Variants in CHUK observed in about 807,000 individuals in gnomAD.
CHUK encodes the protein component of inhibitor of nuclear factor kappa B kinase complex.
A neutral mutation model predicts 104.8 loss-of-function variants in CHUK; 35 were observed. That is an observed-to-expected ratio of 0.33 (90% CI 0.26 to 0.44). The LOEUF (loss-of-function observed/expected upper bound fraction) is 0.44, where lower values mean the gene tolerates loss of function less well. CHUK is among the 20% of genes least tolerant of loss of function. The pLI, the probability that CHUK is intolerant of heterozygous loss-of-function variation, is 1.00. For missense variants in CHUK, 663 were observed against 902.7 expected (o/e 0.73, Z 3.40); for synonymous variants, 276 against 291.9 (o/e 0.95, Z 0.56).
chr10:100,228,993 G>GCACGCACACA (rs1846170786), intron 1 of CHUK, among the ~76,000 whole-genome samples: 3 of 133,556 alleles, frequency 2.2e-5, no homozygotes, highest in East Asian at 2.3e-4. Context: ...GCGCGCGCGC[G>GCACGCACACA]CACACACACA....
rs112432667 is a variant in CHUK at position 100,204,538 on chromosome 10, T to C, written c.1475A>G (p.Glu492Gly). The C allele has an allele frequency of 1.2e-6, 2 of 1,613,740 alleles. No homozygotes were observed. Among genetic ancestry groups the C allele is most frequent in the Non-Finnish European group, 1.7e-6 (2 of 1,179,742 alleles). ...ATACGTCATCTGCTCGCTGTATCTC[T>C]CCAAGTCAAGCTGAATGCTTTTGTG... ...FFHKSIQLDL[E>G]RYSEQMTYGI... Residue 492 changes from glutamate (E) to glycine (G), a missense_variant, in exon 13 of 21, where the codon GAG (glutamate) becomes GGG (glycine). Physicochemically the swap from Glu to Gly is moderately conservative, Grantham distance 98. Transcript: ENST00000370397.
chr10:100,190,810 GT>G (rs1226610166), intron 20 of CHUK, 58 bp downstream of exon 20: 3 of 955,610 alleles, frequency 3.1e-6, no homozygotes, highest in Non-Finnish European at 5.2e-6. Context: ...AGCATGGAAA[GT>G]TAAACCTTTT....
At chr10:100,192,343 T>C (rs1644574324) in intron 19 of CHUK, 1 of 152,252 alleles carries the variant, frequency 6.6e-6, no homozygotes, top group African/African-American at 2.4e-5. Context: ...TTTTGTAAAG[T>C]CTATATATTT....
chr10:100,227,636 T>G (rs925830468), intron 1 of CHUK, among the ~76,000 whole-genome samples: 7 of 152,120 alleles, frequency 4.6e-5, no homozygotes, highest in Admixed American at 3.9e-4. Context: ...ACTTAATGCC[T>G]TAGTCCTTCA....
chr10:100,205,224 G>A (rs1377124758), intron 11 of CHUK, 25 bp from the exon 12 acceptor site: 2 of 1,612,468 alleles, frequency 1.2e-6, no homozygotes, highest in Non-Finnish European at 1.7e-6. Context: ...ATGAGAAAAA[G>A]GGCAAGGGAG....
At chr10:100,198,308 T>C (rs1200690674) in intron 16 of CHUK, among the ~76,000 whole-genome samples, 1 of 152,214 alleles carries the variant, frequency 6.6e-6, no homozygotes, top group Non-Finnish European at 1.5e-5. Flanking sequence ...AAACACTTTA[T>C]GAGTACTTCC....
chr10:100,211,490 C>T (rs1041216959), intron 9 of CHUK, among the ~76,000 whole-genome samples: 1 of 152,112 alleles, frequency 6.6e-6, no homozygotes, highest in East Asian at 1.9e-4. Context: ...CCCCCGCACC[C>T]GCATCCCTGC....
In CHUK at chr10:100,225,991, C is replaced by T. The variant is rs1448424657; in HGVS notation, c.132G>A (p.Lys44=). 1.2e-6 allele frequency: 2 copies of T among 1,606,524 alleles called. No individual in the cohort carries two copies. The highest frequency in any genetic ancestry group is 2.2e-5 in the East Asian group (1 of 44,798). The part of the protein sequence containing the change: ...HRELDLKIAI[K]SCRLELSTKN... Reference sequence around the variant, plus strand: ...TGGTACTTAGCTCTAGGCGACAAGACTTAATTGCTATTTTGAGATCAAGTT... The same window carrying T: ...TGGTACTTAGCTCTAGGCGACAAGATTTAATTGCTATTTTGAGATCAAGTT... Residue 44 remains lysine, a synonymous_variant, in exon 2 of 21, where the codon AAG becomes AAA. Coordinates refer to ENST00000370397, the MANE Select transcript of CHUK (RefSeq NM_001278.5).
At chr10:100,192,497 CAT>C (rs1320179886) in intron 19 of CHUK, 1 of 596,406 alleles carries the variant, frequency 1.7e-6, no homozygotes, top group Non-Finnish European at 2.1e-6. Context: ...GCTTTTCTCT[CAT>C]AAAAGTAGAG....
At chr10:100,210,670 AG>A (rs1377097086) in intron 9 of CHUK, among the ~76,000 whole-genome samples, 1 of 152,248 alleles carries the variant, frequency 6.6e-6, no homozygotes, top group East Asian at 1.9e-4. Context: ...TAGAAGAACT[AG>A]GTCTCTCTTT....
chr10:100,209,618 A>G lies in CHUK; in HGVS notation c.1105T>C (p.Ser369Pro). The G allele has an allele frequency of 6.2e-7, 1 of 1,607,142 alleles. No homozygotes were observed. The highest frequency in any genetic ancestry group is 1.1e-5 in the South Asian group (1 of 90,946). Reference sequence around the variant, plus strand: ...ACAACTCCATCTAGAACACATTGAGAGGCTGGTTTCCGAGGATCCAGAGAA... The same window carrying G: ...ACAACTCCATCTAGAACACATTGAGGGGCTGGTTTCCGAGGATCCAGAGAA... ...GISLDPRKPA[S>P]QCVLDGVRGC... Residue 369 changes from serine (S) to proline (P), a missense_variant, in exon 10 of 21, where the codon TCT (serine) becomes CCT (proline). By Grantham distance (74) the Ser-to-Pro change is moderately conservative. Transcript: ENST00000370397.
At chr10:100,204,387 T>A (rs1444506045) in intron 13 of CHUK, 119 bp downstream of exon 13, 1 of 824,206 alleles carries the variant, frequency 1.2e-6, no homozygotes, top group Non-Finnish European at 2.1e-6. Flanking sequence ...ATTTAAGTTG[T>A]CCTGTCTCTT....
At position 100,205,039 on chromosome 10, in the gene CHUK, CATTGCATTGTGCTTATAAACAACAG is replaced by C; in HGVS notation, c.1355+12_1355+36del. On this transcript the variant is annotated intron_variant, in intron 12 of 20. Coordinates refer to ENST00000370397, the MANE Select transcript of CHUK (RefSeq NM_001278.5). Reference sequence around the variant, plus strand: ...GATTAATTCTTGAGTATATGATGCACATTGCATTGTGCTTATAAACAACAGAATCCACTTACATTGCTGCCCTTTG... The same window carrying C: ...GATTAATTCTTGAGTATATGATGCACAATCCACTTACATTGCTGCCCTTTG... 1 of 1,612,640 alleles carries C rather than the reference CATTGCATTGTGCTTATAAACAACAG, an allele frequency of 6.2e-7. No homozygotes were observed. Among genetic ancestry groups the C allele is most frequent in the Non-Finnish European group, 8.5e-7 (1 of 1,178,804 alleles).
intron 2 of CHUK, among the ~76,000 whole-genome samples, chr10:100,223,677 T>C (rs984260377): frequency 6.6e-5 from 10 of 152,002 alleles, no homozygotes; most frequent in African/African-American, 1.9e-4. Flanking sequence ...ACCTGATAAT[T>C]TATACTATTA....
chr10:100,186,946 C>T (rs1407343639), downstream of CHUK: 1 of 152,180 alleles, frequency 6.6e-6, no homozygotes, highest in East Asian at 1.9e-4. Context: ...GATCATCAGG[C>T]ATTAGATTCT....
At chr10:100,209,901 A>C (rs1845684479) in intron 9 of CHUK, 112 bp from the exon 10 acceptor site, 5 of 611,142 alleles carry the variant, frequency 8.2e-6, no homozygotes, top group Non-Finnish European at 1.5e-5. Context: ...TACATTAAAC[A>C]AGGCTCACTC....
chr10:100,204,224 T>C (rs1845537143), intron 13 of CHUK, among the ~76,000 whole-genome samples: 1 of 152,228 alleles, frequency 6.6e-6, no homozygotes, highest in African/African-American at 2.4e-5. Context: ...GATTTTGTAT[T>C]TATTTTAAAA....
intron 12 of CHUK, 50 bp downstream of exon 12, chr10:100,205,026 A>G (rs1466069373): frequency 3.7e-6 from 6 of 1,606,852 alleles, no homozygotes; most frequent in African/African-American, 1.3e-5. Flanking sequence ...TTAATTCTTG[A>G]GTATATGATG....
chr10:100,209,151 C>A (rs1394795173), intron 10 of CHUK, among the ~76,000 whole-genome samples: 2 of 152,186 alleles, frequency 1.3e-5, no homozygotes, highest in Admixed American at 1.3e-4. Context: ...TCACTTATGT[C>A]TTTAGATGAA....
Sources: allele counts gnomAD v4.1 joint callset (sites outside exome capture counted in the v4.1 genomes callset), GRCh38; gene constraint gnomAD v4.1.1; transcripts MANE v1.5; gene names NCBI Gene and HGNC (gene_info 2026-07-23, HGNC 2026-07-21).